MYCBPAP: variants seen among roughly 807,000 people sequenced by gnomAD.
MYCBPAP encodes MYCBP-associated protein.
MYCBPAP carries 60 observed loss-of-function variants against 106.1 expected under a neutral mutation model. The observed-to-expected ratio is 0.57, with a 90% CI of 0.46 to 0.70. The LOEUF (loss-of-function observed/expected upper bound fraction) is 0.70, where lower values mean the gene tolerates loss of function less well. Among genes scored for constraint, MYCBPAP ranks in the 30% least tolerant of loss-of-function variants. MYCBPAP has a pLI of 0.00. For synonymous variants in MYCBPAP, 407 were observed against 440.6 expected (o/e 0.92, Z 0.95); for missense variants, 1,064 against 1,169.3 (o/e 0.91, Z 1.31).
rs200850812 is a variant in MYCBPAP at position 50,525,035 on chromosome 17, C to G, written c.1782+12C>G. On this transcript the variant is annotated intron_variant, in intron 13 of 18. Coordinates refer to ENST00000323776, the MANE Select transcript of MYCBPAP (RefSeq NM_032133.6). ...ACAGAAATCCTCCGGTGAGGCCCAG[C>G]GCCAGCCCCTGCCCCCTCATGTGTG... is the stretch of plus-strand genomic sequence containing the variant. 6.2e-7 allele frequency: 1 copy of G among 1,608,294 alleles called. No individual in the cohort carries two copies. The highest frequency in any genetic ancestry group is 8.5e-7 in the Non-Finnish European group (1 of 1,176,256).
In MYCBPAP at chr17:50,522,958, C is replaced by T. The variant is rs199951998; in HGVS notation, c.1277C>T (p.Ala426Val). Residue 426 changes from alanine to valine, a missense_variant, in exon 11 of 19, where the codon GCT (alanine) becomes GTT (valine). Coordinates refer to ENST00000323776, the MANE Select transcript of MYCBPAP (RefSeq NM_032133.6). ...PQDKRQVGIA[A>V]HLTFETLEGE... ...TTCCAGAGGCAGGTTGGGATTGCTGCTCACTTGACCTTTGAAACCCTAGAA... is the reference window on the plus strand; with the variant it reads ...TTCCAGAGGCAGGTTGGGATTGCTGTTCACTTGACCTTTGAAACCCTAGAA... The T allele has an allele frequency of 6.2e-7, 1 of 1,611,522 alleles. No homozygotes were observed. Among genetic ancestry groups the T allele is most frequent in the East Asian group, 2.2e-5 (1 of 44,790 alleles).
intron 1 of MYCBPAP, chr17:50,509,654 A>G (rs1377436680): frequency 1.3e-5 from 2 of 158,708 alleles, no homozygotes; most frequent in Non-Finnish European, 2.8e-5. Context: ...CCTCGGCCTC[A>G]CAGACTGCTA....
intron 4 of MYCBPAP, among the ~76,000 whole-genome samples, chr17:50,518,117 A>G (rs1432462166): frequency 1.3e-5 from 2 of 152,212 alleles, no homozygotes; most frequent in Non-Finnish European, 2.9e-5. Flanking sequence ...GGCCACGGGA[A>G]GATTCTGTAT....
intron 5 of MYCBPAP, 112 bp from the exon 6 acceptor site, chr17:50,518,862 C>T: frequency 7.0e-7 from 1 of 1,432,930 alleles, no homozygotes; most frequent in Non-Finnish European, 9.8e-7. Context: ...CACTCTGAAG[C>T]TTCAGTGGAT....
At chr17:50,528,946 G>C (rs1005336593) in intron 17 of MYCBPAP, 72 bp from the exon 18 acceptor site, 37 of 1,597,646 alleles carry the variant, frequency 2.3e-5, no homozygotes, top group Non-Finnish European at 2.8e-5. Flanking sequence ...CTCCCAGTGA[G>C]CTACTGTTGA....
chr17:50,529,370 G>A, intron 18 of MYCBPAP, 182 bp downstream of exon 18: 1 of 612,782 alleles, frequency 1.6e-6, no homozygotes, highest in Non-Finnish European at 2.8e-6. Context: ...TAGGTGATGA[G>A]TACGACGGGA....
chr17:50,518,775 T>C, intron 5 of MYCBPAP, 51 bp downstream of exon 5: 1 of 1,552,108 alleles, frequency 6.4e-7, no homozygotes, highest in Non-Finnish European at 8.7e-7. Flanking sequence ...GCAGCAAGGC[T>C]CTGCTGGGTT....
Position 50,527,314 on chromosome 17 carries a change from C to T in MYCBPAP, c.2197C>T (p.His733Tyr). ...AGTGATGGTGCTCCCTGATGAGAACCACAGAGAGGATGCGTTGATGAGGCT... is the reference window on the plus strand; with the variant it reads ...AGTGATGGTGCTCCCTGATGAGAACTACAGAGAGGATGCGTTGATGAGGCT... ...KAVMVLPDEN[H>Y]REDALMRLNK... The change falls in exon 15 of 19, where the codon CAC becomes TAC. Residue 733 changes from histidine (H) to tyrosine (Y), a missense_variant. By Grantham distance (83) the His-to-Tyr change is moderately conservative (BLOSUM62 2). Transcript: ENST00000323776. 1.9e-6 allele frequency: 3 copies of T among 1,614,150 alleles called. No homozygotes were observed. The highest frequency in any genetic ancestry group is 2.5e-6 in the Non-Finnish European group (3 of 1,180,024).
At position 50,524,909 on chromosome 17, in the gene MYCBPAP, CGTT is replaced by C. The variant is rs754647914; in HGVS notation, c.1669_1671del (p.Val557del). 6.2e-7 allele frequency: 1 copy of C among 1,613,986 alleles called. No individual in the cohort carries two copies. The highest frequency in any genetic ancestry group is 1.1e-5 in the South Asian group (1 of 91,080). On this transcript the variant is annotated inframe_deletion, in exon 13 of 19. Transcript: ENST00000323776. ...TGACTGCCCATGAGGCAGTCACCGTCGTTCGCGAAGTGCTGCAGGAGCTGCTGA... is the reference window on the plus strand; with the variant it reads ...TGACTGCCCATGAGGCAGTCACCGTCCGCGAAGTGCTGCAGGAGCTGCTGA...
In MYCBPAP at chr17:50,529,178, T is replaced by C; in HGVS notation, c.2714T>C (p.Leu905Pro). The change falls in exon 18 of 19, where the codon CTG becomes CCG. Residue 905 changes from leucine (L) to proline (P), a missense_variant. Coordinates refer to ENST00000323776, the MANE Select transcript of MYCBPAP (RefSeq NM_032133.6). ...PLVMGKYTQS[L>P]HSEVRGLLDT... ...GTCATGGGGAAATACACCCAGAGCC[T>C]GCACAGTGAGGTGAAGGGAAGCGCC... 2 of 1,611,832 alleles carry C rather than the reference T, an allele frequency of 1.2e-6. No individual in the cohort carries two copies. Among genetic ancestry groups the C allele is most frequent in the Non-Finnish European group, 1.7e-6 (2 of 1,179,750 alleles).
chr17:50,527,520 G>A (rs764540060), intron 15 of MYCBPAP, 112 bp downstream of exon 15: 21 of 1,406,076 alleles, frequency 1.5e-5, no homozygotes, highest in East Asian at 2.4e-5. Flanking sequence ...TTGAGCTCAG[G>A]TTGCTAGAGC....
rs1464601611 is a variant in MYCBPAP, at chr17:50,526,195, C to T, written c.2097C>T (p.Ser699=). ...ILVEESPDVD[S]TKSPWEPDGL... is the part of the protein sequence containing the mutation. The stretch of plus-strand genomic sequence containing the variant: ...TGGAGGAAAGCCCAGATGTGGACAG[C>T]ACCAAGAGCCCCTGGGAGCCGGATG... Residue 699 remains serine (S), a synonymous_variant, in exon 14 of 19, where the codon AGC becomes AGT. Transcript: ENST00000323776. The T allele has an allele frequency of 6.2e-7, 1 of 1,613,358 alleles. No homozygotes were observed. Among genetic ancestry groups the T allele is most frequent in the Non-Finnish European group, 8.5e-7 (1 of 1,180,010 alleles).
intron 1 of MYCBPAP, among the ~76,000 whole-genome samples, chr17:50,512,363 G>A (rs2033886915): frequency 6.6e-6 from 1 of 152,134 alleles, no homozygotes; most frequent in African/African-American, 2.4e-5. Flanking sequence ...CCCCCAGCAA[G>A]TTTTCTGTGT....
At chr17:50,522,523 C>T (rs7220564) in intron 10 of MYCBPAP, 116,482 of 152,314 alleles carry the variant, frequency 0.76, 45,141 homozygotes, top group African/African-American at 0.88. Flanking sequence ...TGGTGAAACC[C>T]CATCTCTACT....
chr17:50,517,645 T>C lies in MYCBPAP; in HGVS notation c.415T>C (p.Leu139=), dbSNP rs1194258623. The change falls in exon 4 of 19, where the codon TTG becomes CTG. Residue 139 remains leucine, a synonymous_variant. Transcript: ENST00000323776. ...TGACCAGATCCTGCCCCACCACATC[T>C]TGGGGAGTCTCCAGGATTTTAAGAG... ...GSDQILPHHI[L]GSLQDFKRIA... The C allele has an allele frequency of 2.5e-6, 4 of 1,614,060 alleles. No homozygotes were observed. The highest frequency in any genetic ancestry group is 3.4e-6 in the Non-Finnish European group (4 of 1,180,034).
intron 10 of MYCBPAP, 86 bp downstream of exon 10, chr17:50,522,167 C>T (rs766239054): frequency 4.6e-6 from 5 of 1,087,710 alleles, no homozygotes; most frequent in African/African-American, 1.6e-5. Context: ...GCAGCCTGCA[C>T]AGTCTCCTGT....
intron 1 of MYCBPAP, among the ~76,000 whole-genome samples, chr17:50,512,018 A>T (rs970680362): frequency 6.7e-6 from 1 of 149,918 alleles, no homozygotes; most frequent in East Asian, 2.0e-4. Flanking sequence ...TCTCATCCCC[A>T]ACATCACCAC....
At position 50,521,090 on chromosome 17, in the gene MYCBPAP, G is replaced by A. The variant is rs374855318; in HGVS notation, c.917-20G>A. 1.6e-4 allele frequency: 262 copies of A among 1,596,746 alleles called. No homozygotes were observed. Among genetic ancestry groups the A allele is most frequent in the Middle Eastern group, 3.3e-4 (2 of 6,006 alleles). On this transcript the variant is annotated intron_variant, in intron 7 of 18. Transcript: ENST00000323776. The stretch of plus-strand genomic sequence containing the variant: ...GACATGGCAGCAGCCTGTGCTGAGG[G>A]TCCTTGGACCTCATGCTAGGATTAC...
chr17:50,528,929 C>T, intron 17 of MYCBPAP, 89 bp downstream of exon 17: 1 of 1,596,108 alleles, frequency 6.3e-7, no homozygotes, highest in Non-Finnish European at 8.5e-7. Flanking sequence ...GGGCATGTGC[C>T]CAGGCTCTCC....
Sources: gnomAD v4.1 joint callset for allele counts (sites outside exome capture counted in the v4.1 genomes callset) on GRCh38, gnomAD v4.1.1 for gene constraint, MANE v1.5 for transcripts, NCBI Gene and HGNC (gene_info 2026-07-23, HGNC 2026-07-21) for gene names.